The following SLCO2A1 variants were observed in gnomAD, a reference collection of about 807,000 sequenced individuals.
SLCO2A1 encodes the protein solute carrier organic anion transporter family member 2A1.
SLCO2A1 carries 60 observed loss-of-function variants against 71.7 expected under a neutral mutation model. The ratio of observed to expected loss-of-function variants is 0.84; its 90% confidence interval spans 0.68 to 1.04. The LOEUF (loss-of-function observed/expected upper bound fraction) is 1.04. SLCO2A1 is among the 50% of genes least tolerant of loss of function. The pLI is 0.00. For missense variants in SLCO2A1, 745 were observed against 813.4 expected, an observed-to-expected ratio of 0.92 and a Z score of 1.02; for synonymous variants, 308 against 326.7, an observed-to-expected ratio of 0.94 and a Z score of 0.62.
At chr3:133,978,989 C>T (rs1329399490) in intron 2 of SLCO2A1, among the ~76,000 whole-genome samples, 1 of 152,184 alleles carries the variant, frequency 6.6e-6, no homozygotes, top group African/African-American at 2.4e-5. Context: ...TCTTGTGGCC[C>T]TCATAAGACA....
intron 1 of SLCO2A1, among the ~76,000 whole-genome samples, chr3:134,020,500 C>T (rs887395112): frequency 6.6e-5 from 10 of 152,224 alleles, no homozygotes; most frequent in South Asian, 2.1e-4. Context: ...CCCAGTGGGA[C>T]GCCTTGCCAG....
chr3:133,978,811 A>T (rs1363393382), intron 2 of SLCO2A1, among the ~76,000 whole-genome samples: 2 of 152,142 alleles, frequency 1.3e-5, no homozygotes, highest in Non-Finnish European at 2.9e-5. Context: ...CCCAGCTTCC[A>T]GTGGCTCCTG....
intron 3 of SLCO2A1, among the ~76,000 whole-genome samples, chr3:133,961,215 T>G (rs561519050): frequency 6.6e-6 from 1 of 152,052 alleles, no homozygotes; most frequent in Non-Finnish European, 1.5e-5. Context: ...AAGCAGTCAA[T>G]GCATAGTATG....
At chr3:133,965,243 G>T (rs1934136383) in intron 3 of SLCO2A1, among the ~76,000 whole-genome samples, 1 of 152,192 alleles carries the variant, frequency 6.6e-6, no homozygotes, top group South Asian at 2.1e-4. Context: ...ATAACATGGT[G>T]TTACTTGATT....
chr3:133,953,605 G>A lies in SLCO2A1; in HGVS notation c.724+58C>T. On this transcript the variant is annotated intron_variant, in intron 5 of 13. Coordinates refer to ENST00000310926, the MANE Select transcript of SLCO2A1 (RefSeq NM_005630.3). ...TTCTCTGTTCTGATTGGATGAGGGG[G>A]CTGGGGGCTGCTTTATTGAGCTGGG... The A allele has an allele frequency of 6.0e-6, 8 of 1,343,886 alleles. No homozygotes were observed. In the South Asian group the frequency reaches 7.0e-5, roughly 12 times the overall value. The allele number at this position is 1,343,886 out of a possible 1,614,324, so 83.2% of individuals were successfully genotyped here.
At chr3:133,979,347 G>A (rs55688756) in intron 2 of SLCO2A1, 134 bp downstream of exon 2, 46,963 of 1,139,098 alleles carry the variant, frequency 0.041, 1,607 homozygotes, top group African/African-American at 0.15. Context: ...TTGCTGTTTC[G>A]TTTGCTGTTA....
intron 12 of SLCO2A1, among the ~76,000 whole-genome samples, chr3:133,936,111 G>A (rs2108035646): frequency 6.6e-6 from 1 of 152,202 alleles, no homozygotes; most frequent in East Asian, 1.9e-4. Flanking sequence ...AGGGACCTGG[G>A]CCATTCTTTC....
intron 5 of SLCO2A1, 47 bp from the exon 6 acceptor site, chr3:133,951,391 C>T: frequency 3.7e-6 from 6 of 1,604,542 alleles, no homozygotes; most frequent in Non-Finnish European, 5.1e-6. Flanking sequence ...TGCATGATCT[C>T]ACCTTACTGG....
chr3:134,013,303 A>G (rs1651203605), intron 1 of SLCO2A1, among the ~76,000 whole-genome samples: 1 of 152,236 alleles, frequency 6.6e-6, no homozygotes, highest in African/African-American at 2.4e-5. Context: ...CTGTGGCACA[A>G]GTGAAGAATG....
intron 10 of SLCO2A1, among the ~76,000 whole-genome samples, chr3:133,944,751 G>A (rs1933519282): frequency 6.6e-6 from 1 of 152,236 alleles, no homozygotes; most frequent in African/African-American, 2.4e-5. Flanking sequence ...CAGCCTGCAG[G>A]ACCCAGAGAT....
chr3:133,994,481 G>T (rs1344441625), intron 1 of SLCO2A1, among the ~76,000 whole-genome samples: 2 of 152,210 alleles, frequency 1.3e-5, no homozygotes, highest in Non-Finnish European at 2.9e-5. Flanking sequence ...CTTGCCATTT[G>T]TGATGTCACT....
chr3:133,981,293 A>T (rs1934582397), intron 1 of SLCO2A1, among the ~76,000 whole-genome samples: 1 of 152,144 alleles, frequency 6.6e-6, no homozygotes. Context: ...TGGTCAGAGG[A>T]GGAGAATCTG....
intron 1 of SLCO2A1, among the ~76,000 whole-genome samples, chr3:133,981,254 G>C (rs1934581768): frequency 6.6e-6 from 1 of 152,124 alleles, no homozygotes; most frequent in Non-Finnish European, 1.5e-5. Flanking sequence ...ACAGAGTTTA[G>C]AGTTTAGGGG....
chr3:133,983,553 A>T lies in SLCO2A1; in HGVS notation c.97-3935T>A, dbSNP rs115125397. 3.0e-3 allele frequency among the ~76,000 whole-genome samples: 452 copies of T among 152,360 alleles called. 2 individuals carry two copies. The highest frequency in any genetic ancestry group is 0.01 in the African/African-American group (416 of 41,578). On this transcript the variant is annotated intron_variant, in intron 1 of 13. Coordinates refer to ENST00000310926, the MANE Select transcript of SLCO2A1 (RefSeq NM_005630.3). Reference sequence around the variant, plus strand: ...CCTGCTGCCACCTTGTCCTTCAAACACATCAAGGTCACACTCTCAGAGTTC... The same window carrying T: ...CCTGCTGCCACCTTGTCCTTCAAACTCATCAAGGTCACACTCTCAGAGTTC...
intron 1 of SLCO2A1, among the ~76,000 whole-genome samples, chr3:133,986,227 G>A (rs1363792061): frequency 6.6e-6 from 1 of 152,160 alleles, no homozygotes; most frequent in Non-Finnish European, 1.5e-5. Context: ...ATGTTCTGGG[G>A]CTTTGAAGGG....
At chr3:133,936,195 A>T (rs1424398569) in intron 12 of SLCO2A1, among the ~76,000 whole-genome samples, 1 of 152,206 alleles carries the variant, frequency 6.6e-6, no homozygotes, top group South Asian at 2.1e-4. Flanking sequence ...AGATCAGCTC[A>T]GAGTGGAGAT....
At chr3:134,027,409 G>A (rs1038837987) in intron 1 of SLCO2A1, among the ~76,000 whole-genome samples, 3 of 152,130 alleles carry the variant, frequency 2.0e-5, no homozygotes, top group Admixed American at 6.5e-5. Context: ...GTTTTGTTCC[G>A]ATCTAATTAC....
rs1576423704 is a variant in SLCO2A1 at position 133,935,855 on chromosome 3, T to G, written c.1733A>C (p.His578Pro). 6.2e-7 allele frequency: 1 copy of G among 1,608,458 alleles called. No homozygotes were observed. The highest frequency in any genetic ancestry group is 1.1e-5 in the South Asian group (1 of 90,002). The change falls in exon 13 of 14, where the codon CAC becomes CCC. Residue 578 changes from histidine (H) to proline (P), a missense_variant. Physicochemically the swap from His to Pro is moderately conservative, Grantham distance 77 (BLOSUM62 -2). Transcript: ENST00000310926. ...CAGCGAGTTCCACCGGATGCAGGAGTGGTCAATGGTGAGGCCATAGAGGGC... is the reference window on the plus strand; with the variant it reads ...CAGCGAGTTCCACCGGATGCAGGAGGGGTCAATGGTGAGGCCATAGAGGGC... Reference protein sequence around the residue: ...SPALYGLTIDHSCIRWNSLCL... With the variant: ...SPALYGLTIDPSCIRWNSLCL...
chr3:133,970,202 T>C (rs1480921223), intron 3 of SLCO2A1, among the ~76,000 whole-genome samples: 1 of 152,232 alleles, frequency 6.6e-6, no homozygotes, highest in African/African-American at 2.4e-5. Context: ...GATTACTGCA[T>C]GTGACAGCCA....
Sources: allele counts gnomAD v4.1 joint callset (sites outside exome capture counted in the v4.1 genomes callset), GRCh38; gene constraint gnomAD v4.1.1; transcripts MANE v1.5; gene names NCBI Gene and HGNC (gene_info 2026-07-23, HGNC 2026-07-21).